The following CHMP5 variants were observed in gnomAD, a reference collection of about 807,000 sequenced individuals.
CHMP5 encodes charged multivesicular body protein 5, also known as SNF7 domain containing 2.
Under a neutral mutation model 33.0 loss-of-function variants are expected in CHMP5, and 17 were observed. The observed-to-expected ratio is 0.52, with a 90% CI of 0.35 to 0.77. CHMP5 has a LOEUF of 0.77. Ranked by LOEUF, CHMP5 falls within the 30% of genes least tolerant of loss-of-function variation. The probability of loss-of-function intolerance (pLI) is 0.01; values close to 1 mark genes in which losing one functional copy is unlikely to be tolerated. For missense variants in CHMP5, 216 were observed against 261.5 expected, an observed-to-expected ratio of 0.83 and a Z score of 1.20; for synonymous variants, 76 against 90.2, an observed-to-expected ratio of 0.84 and a Z score of 0.89.
chr9:33,272,368 T>C (rs1406053523), intron 5 of CHMP5, among the ~76,000 whole-genome samples: 3 of 131,862 alleles, frequency 2.3e-5, no homozygotes, highest in African/African-American at 8.8e-5. Context: ...GGTTGATGAA[T>C]CAGAGGCTAT....
intron 2 of CHMP5, among the ~76,000 whole-genome samples, chr9:33,267,628 A>T (rs1820742530): frequency 6.6e-6 from 1 of 152,138 alleles, no homozygotes; most frequent in Non-Finnish European, 1.5e-5. Context: ...AAAGTAGTTG[A>T]GGACTCTGGG....
Position 33,281,935 on chromosome 9 carries a change from G to A in CHMP5, c.*1076G>A, listed in dbSNP as rs1247217290. The A allele has an allele frequency of 6.6e-6, 1 of 152,232 alleles. No homozygotes were observed. The highest frequency in any genetic ancestry group is 2.4e-5 in the African/African-American group (1 of 41,462). 9.4% of individuals were successfully genotyped at this position (152,232 alleles called of 1,614,324 possible). On this transcript the variant is annotated 3_prime_UTR_variant, in exon 8 of 8. Coordinates refer to ENST00000223500, the MANE Select transcript of CHMP5 (RefSeq NM_016410.6). ...CCTGCCCAATTTCAGGGTCTTTAATGATCCTGTCCTCCCTTCCTCATTCAA... is the reference window on the plus strand; with the variant it reads ...CCTGCCCAATTTCAGGGTCTTTAATAATCCTGTCCTCCCTTCCTCATTCAA...
intron 4 of CHMP5, 55 bp from the exon 5 acceptor site, chr9:33,271,097 C>A: frequency 7.6e-7 from 1 of 1,308,134 alleles, no homozygotes. Context: ...TAAATAAAGA[C>A]AATTTAACCA....
intron 5 of CHMP5, among the ~76,000 whole-genome samples, chr9:33,272,394 A>G (rs1587798430): frequency 1.3e-4 from 1 of 7,782 alleles, no homozygotes; most frequent in African/African-American, 2.3e-4. Flanking sequence ...GAGATAAAGC[A>G]AAAAAAAAAA....
At chr9:33,278,032 T>G in intron 6 of CHMP5, 81 bp from the exon 7 acceptor site, 1 of 854,760 alleles carries the variant, frequency 1.2e-6, no homozygotes, top group Non-Finnish European at 1.9e-6. Flanking sequence ...TTCTTTCAAG[T>G]CCATCGATAA....
chr9:33,278,373 T>G (rs1231209856), intron 7 of CHMP5, 148 bp downstream of exon 7: 1 of 579,122 alleles, frequency 1.7e-6, no homozygotes, highest in Non-Finnish European at 3.1e-6. Flanking sequence ...AAGGTCCGGT[T>G]TTTCTGCATT....
At chr9:33,277,500 AG>A (rs1587800288) in intron 6 of CHMP5, among the ~76,000 whole-genome samples, 1 of 152,134 alleles carries the variant, frequency 6.6e-6, no homozygotes, top group African/African-American at 2.4e-5. Context: ...AAAAATGAGA[AG>A]GGTTGTCGAA....
intron 3 of CHMP5, 39 bp from the exon 4 acceptor site, chr9:33,270,584 T>C: frequency 7.0e-7 from 1 of 1,437,400 alleles, no homozygotes; most frequent in South Asian, 1.2e-5. Context: ...GATTTCTATC[T>C]GGTTCATATA....
chr9:33,280,429 G>T (rs558560212), intron 7 of CHMP5, among the ~76,000 whole-genome samples: 1 of 152,308 alleles, frequency 6.6e-6, no homozygotes, highest in African/African-American at 2.4e-5. Flanking sequence ...CTCCTTCAAG[G>T]ATTTGGGAGG....
chr9:33,281,827 T>C lies in CHMP5; in HGVS notation c.*968T>C, dbSNP rs1185036518. 2 of 152,230 alleles carry C rather than the reference T, an allele frequency of 1.3e-5. No homozygotes were observed. Among genetic ancestry groups the C allele is most frequent in the Admixed American group, 6.5e-5 (1 of 15,284 alleles). The allele number at this position is 152,230 out of a possible 1,614,324, so 9.4% of individuals were successfully genotyped here. A position where few individuals can be genotyped will look rare whatever the true frequency, so the allele number is the denominator to read the frequency against. The stretch of plus-strand genomic sequence containing the variant: ...TGTTAACTGCAAGGGGCTATTCTTA[T>C]ATGAGGGATTGTTAACAATAAAAAA... On this transcript the variant is annotated 3_prime_UTR_variant, in exon 8 of 8. Coordinates refer to ENST00000223500, the MANE Select transcript of CHMP5 (RefSeq NM_016410.6).
Position 33,270,672 on chromosome 9 carries a change from C to T in CHMP5, c.271C>T (p.Gln91Ter). ...TGCCCAACAGTCATTCAACATGGAA[C>T]AAGCCAATTATACCATCCAGTCTTT... ...NLAQQSFNME[Q>*]ANYTIQSLKD... The change falls in exon 4 of 8, where the codon CAA becomes TAA. Residue 91 changes from glutamine to a stop codon, truncating the protein, a stop_gained. Transcript: ENST00000223500. LOFTEE classifies it high-confidence loss of function. 6.2e-7 allele frequency: 1 copy of T among 1,614,176 alleles called. No individual in the cohort carries two copies. Among genetic ancestry groups the T allele is most frequent in the Non-Finnish European group, 8.5e-7 (1 of 1,180,000 alleles).
At chr9:33,276,417 G>A (rs1462206759) in intron 5 of CHMP5, 39 bp from the exon 6 acceptor site, 4 of 1,160,424 alleles carry the variant, frequency 3.4e-6, no homozygotes, top group African/African-American at 1.5e-5. Context: ...AAAAGAAAAT[G>A]GTAAATGAGA....
chr9:33,271,991 G>T (rs776313311), intron 5 of CHMP5, among the ~76,000 whole-genome samples: 1 of 152,158 alleles, frequency 6.6e-6, no homozygotes, highest in Non-Finnish European at 1.5e-5. Flanking sequence ...AACTCCTGGC[G>T]TGGTAGACTT....
At chr9:33,267,953 G>A (rs1355929821) in intron 3 of CHMP5, 54 bp downstream of exon 3, 2 of 1,200,244 alleles carry the variant, frequency 1.7e-6, no homozygotes, top group East Asian at 4.7e-5. Flanking sequence ...AAGAGAAATG[G>A]TCTTCCATTC....
chr9:33,267,704 G>T, intron 2 of CHMP5, 149 bp from the exon 3 acceptor site: 1 of 606,820 alleles, frequency 1.6e-6, no homozygotes, highest in Non-Finnish European at 3.0e-6. Flanking sequence ...ACCTGTTTTT[G>T]GGAGGGGAAG....
chr9:33,278,143 C>T lies in CHMP5; in HGVS notation c.527C>T (p.Ala176Val). ...GATGCACTAGGTGATGAGCTTCTGGCTGATGAAGACAGTTCTTATTTGGAT... is the reference window on the plus strand; with the variant it reads ...GATGCACTAGGTGATGAGCTTCTGGTTGATGAAGACAGTTCTTATTTGGAT... ...ELDALGDELLADEDSSYLDEA... is the reference protein window; with the variant it reads ...ELDALGDELLVDEDSSYLDEA... Residue 176 changes from alanine (A) to valine (V), a missense_variant, in exon 7 of 8, where the codon GCT (alanine) becomes GTT (valine). Transcript: ENST00000223500. The T allele has an allele frequency of 1.2e-6, 2 of 1,612,078 alleles. No homozygotes were observed. The highest frequency in any genetic ancestry group is 1.7e-6 in the Non-Finnish European group (2 of 1,178,780).
chr9:33,272,761 C>T (rs1820810109), intron 5 of CHMP5, among the ~76,000 whole-genome samples: 1 of 151,960 alleles, frequency 6.6e-6, no homozygotes, highest in African/African-American at 2.4e-5. Context: ...GATTGCGCCA[C>T]TGCACTCCAG....
chr9:33,281,093 G>T lies in CHMP5; in HGVS notation c.*234G>T, dbSNP rs187213879. On this transcript the variant is annotated 3_prime_UTR_variant, in exon 8 of 8. Transcript: ENST00000223500. ...TATGAAAAACGAACTCAGTTTAAAAGTATTTTTAGCTCGTATGACTTGTTT... is the reference window on the plus strand; with the variant it reads ...TATGAAAAACGAACTCAGTTTAAAATTATTTTTAGCTCGTATGACTTGTTT... 132 of 423,322 alleles carry T rather than the reference G, an allele frequency of 3.1e-4. 1 individual carries two copies. The highest frequency in any genetic ancestry group is 1.8e-3 in the Middle Eastern group (3 of 1,632). The allele number at this position is 423,322 out of a possible 1,614,324, so 26.2% of individuals were successfully genotyped here. A position where few individuals can be genotyped will look rare whatever the true frequency, so the allele number is the denominator to read the frequency against.
chr9:33,265,727 A>G (rs1291896352), intron 1 of CHMP5, among the ~76,000 whole-genome samples: 2 of 152,192 alleles, frequency 1.3e-5, no homozygotes, highest in Non-Finnish European at 2.9e-5. Context: ...CTCTGATTCT[A>G]GGGAAATTCC....
Sources: gnomAD v4.1 joint callset for allele counts (sites outside exome capture counted in the v4.1 genomes callset) on GRCh38, gnomAD v4.1.1 for gene constraint, MANE v1.5 for transcripts, NCBI Gene and HGNC (gene_info 2026-07-23, HGNC 2026-07-21) for gene names.